Variants in GFOD1 observed in about 807,000 individuals in gnomAD.
GFOD1 encodes Gfo/Idh/MocA-like oxidoreductase domain containing 1.
Under a neutral mutation model 25.4 loss-of-function variants are expected in GFOD1, and 9 were observed. The observed-to-expected ratio is 0.35, with a 90% CI of 0.21 to 0.62. The LOEUF is 0.62. GFOD1 is among the 20% of genes least tolerant of loss of function. The pLI is 0.72. For synonymous variants in GFOD1, 253 were observed against 245.6 expected, an observed-to-expected ratio of 1.03 and a Z score of -0.28; for missense variants, 403 against 556.9, an observed-to-expected ratio of 0.72 and a Z score of 2.78.
intron 1 of GFOD1, among the ~76,000 whole-genome samples, chr6:13,462,941 G>A (rs1326029341): frequency 6.6e-6 from 1 of 152,178 alleles, no homozygotes; most frequent in Non-Finnish European, 1.5e-5. Context: ...CTCCTGTTCA[G>A]GTTGCAAATG....
chr6:13,364,563 C>G lies in GFOD1; in HGVS notation c.*180G>C. The G allele has an allele frequency of 1.7e-6, 1 of 601,732 alleles. No homozygotes were observed. The highest frequency in any genetic ancestry group is 2.1e-5 in the South Asian group (1 of 48,724). 37.3% of individuals were successfully genotyped at this position (601,732 alleles called of 1,614,324 possible). The stretch of plus-strand genomic sequence containing the variant: ...CCAGGCTAGGAGCTCAGCCCACCAA[C>G]AGTCTGGTTTGGGGTCGGTCACCGG... On this transcript the variant is annotated 3_prime_UTR_variant, in exon 2 of 2. Transcript: ENST00000379287. The surrounding 1 kb of genome is among the most constrained non-coding windows in gnomAD (Gnocchi z 4.1).
At chr6:13,409,088 G>GGAAAGAAAGAAAGAAAGAAAGAAAGAAA (rs879779509) in intron 1 of GFOD1, among the ~76,000 whole-genome samples, 31 of 36,716 alleles carry the variant, frequency 8.4e-4, no homozygotes, top group South Asian at 4.7e-3. Context: ...CCATCAGAAA[G>GGAAAGAAAGAAAGAAAGAAAGAAAGAAA]GAAAGAAAGA....
rs534221718 is a variant in GFOD1 at position 13,455,854 on chromosome 6, G to A, written c.253+30784C>T. Among the ~76,000 whole-genome samples, 4 of 152,308 alleles carry A rather than the reference G, an allele frequency of 2.6e-5. No homozygotes were observed. The East Asian group carries it at 7.7e-4, about 29-fold the overall frequency. ...CCCGGAGCATCCTCAACTCCCAGTCGGTCACAGTTTAACACTGGCCTCGTC... is the reference window on the plus strand; with the variant it reads ...CCCGGAGCATCCTCAACTCCCAGTCAGTCACAGTTTAACACTGGCCTCGTC... On this transcript the variant is annotated intron_variant, in intron 1 of 1. Transcript: ENST00000379287.
chr6:13,364,330 G>A lies in GFOD1; in HGVS notation c.*413C>T, dbSNP rs1244561511. 5.4e-6 allele frequency: 1 copy of A among 184,536 alleles called. No individual in the cohort carries two copies. 11.4% of individuals were successfully genotyped at this position (184,536 alleles called of 1,614,324 possible). The stretch of plus-strand genomic sequence containing the variant: ...GCCAGCAGTGGGTATCCCGGGCACT[G>A]AGCTTGCCATCTGATACTAGTGCCT... On this transcript the variant is annotated 3_prime_UTR_variant, in exon 2 of 2. Transcript: ENST00000379287. This position sits in a 1 kb window ranked among gnomAD's most constrained non-coding sequence, Gnocchi z 4.1.
At chr6:13,395,379 A>C (rs500197) in intron 1 of GFOD1, among the ~76,000 whole-genome samples, 1 of 152,112 alleles carries the variant, frequency 6.6e-6, no homozygotes, top group Non-Finnish European at 1.5e-5. Flanking sequence ...TAAAGAGCCT[A>C]TAAACCACCC....
chr6:13,431,188 T>C (rs1757742856), intron 1 of GFOD1, among the ~76,000 whole-genome samples: 1 of 152,214 alleles, frequency 6.6e-6, no homozygotes, highest in Non-Finnish European at 1.5e-5. Flanking sequence ...GGGACTATGA[T>C]GATAGCACCT....
Position 13,443,644 on chromosome 6 carries a change from C to T in GFOD1, c.253+42994G>A, listed in dbSNP as rs372636395. ...CAGCCTGGCCAACATGGTGAAACCC[C>T]GTCTCAACTAAAAATACAAAAATTA... On this transcript the variant is annotated intron_variant, in intron 1 of 1. Transcript: ENST00000379287. Among the ~76,000 whole-genome samples, 23 of 151,844 alleles carry T rather than the reference C, an allele frequency of 1.5e-4. No homozygotes were observed. In the East Asian group the frequency reaches 2.3e-3, roughly 15 times the overall value.
At chr6:13,384,724 G>A (rs1785430987) in intron 1 of GFOD1, among the ~76,000 whole-genome samples, 1 of 152,200 alleles carries the variant, frequency 6.6e-6, no homozygotes, top group Non-Finnish European at 1.5e-5. Flanking sequence ...AGGCAGAGAT[G>A]CGCACAGTGC....
rs775622309 is a variant in GFOD1 at position 13,364,837 on chromosome 6, T to A, written c.1079A>T (p.Gln360Leu). 19 of 1,613,960 alleles carry A rather than the reference T, an allele frequency of 1.2e-5. No individual in the cohort carries two copies. Among genetic ancestry groups the A allele is most frequent in the Non-Finnish European group, 1.6e-5 (19 of 1,180,046 alleles). ...CTCCTCGGTCATGATGGCAATGTTC[T>A]GCCACTCGCCCGTCTGGCTGGACCT... ...IKRSSQTGEWQNIAIMTEEPE... is the reference protein window; with the variant it reads ...IKRSSQTGEWLNIAIMTEEPE... The change falls in exon 2 of 2, where the codon CAG becomes CTG. Residue 360 changes from glutamine (Q) to leucine (L), a missense_variant. Physicochemically the swap from Gln to Leu is moderately radical, Grantham distance 113. Coordinates refer to ENST00000379287, the MANE Select transcript of GFOD1 (RefSeq NM_018988.4). The surrounding 1 kb of genome is among the most constrained non-coding windows in gnomAD (Gnocchi z 4.1).
chr6:13,470,426 T>C (rs1203888640), intron 1 of GFOD1: 2 of 1,549,908 alleles, frequency 1.3e-6, no homozygotes, highest in African/African-American at 2.7e-5. Context: ...TGAACGGCTG[T>C]GCATATTAAG....
chr6:13,479,754 T>A (rs543607188), intron 1 of GFOD1, among the ~76,000 whole-genome samples: 1 of 152,382 alleles, frequency 6.6e-6, no homozygotes, highest in African/African-American at 2.4e-5. Context: ...GAAATGAGAT[T>A]GGTGATGCTT....
rs2127580983 is a variant in GFOD1 at position 13,487,116 on chromosome 6, C to A, written c.-226G>T. ...GGTGACTGCGGCAGTGTCCGCCACG[C>A]GGGGCTCGCGTCCTTCCCGGAGTCG... On this transcript the variant is annotated 5_prime_UTR_variant, in exon 1 of 2. Transcript: ENST00000379287. The surrounding 1 kb of genome is among the most constrained non-coding windows in gnomAD (Gnocchi z 4.9). The A allele has an allele frequency of 4.0e-6, 2 of 494,302 alleles. No individual in the cohort carries two copies. The highest frequency in any genetic ancestry group is 3.5e-5 in the East Asian group (1 of 28,826). 30.6% of individuals were successfully genotyped at this position (494,302 alleles called of 1,614,324 possible).
intron 1 of GFOD1, among the ~76,000 whole-genome samples, chr6:13,461,932 A>C (rs1348607094): frequency 6.6e-6 from 1 of 152,206 alleles, no homozygotes; most frequent in East Asian, 1.9e-4. Context: ...GCCCTGGGGC[A>C]GAGCAGGCCA....
chr6:13,431,396 C>G (rs77617691), intron 1 of GFOD1, among the ~76,000 whole-genome samples: 1 of 152,226 alleles, frequency 6.6e-6, no homozygotes, highest in Non-Finnish European at 1.5e-5. Context: ...CTCTACCACT[C>G]ATATTCTCTC....
In GFOD1 at chr6:13,363,371, A is replaced by G. The variant is rs1452037932; in HGVS notation, c.*1372T>C. On this transcript the variant is annotated 3_prime_UTR_variant, in exon 2 of 2. Coordinates refer to ENST00000379287, the MANE Select transcript of GFOD1 (RefSeq NM_018988.4). ...CAGACAGCAGACCAATTAGAAGAAC[A>G]TGTTTTTTCCAACATTAGCCTTTTC... The G allele has an allele frequency of 6.6e-6, 1 of 152,068 alleles. No homozygotes were observed. Among genetic ancestry groups the G allele is most frequent in the South Asian group, 2.1e-4 (1 of 4,830 alleles). 9.4% of individuals were successfully genotyped at this position (152,068 alleles called of 1,614,324 possible).
intron 1 of GFOD1, among the ~76,000 whole-genome samples, chr6:13,407,060 C>T (rs562579131): frequency 6.6e-6 from 1 of 152,282 alleles, no homozygotes; most frequent in Admixed American, 6.5e-5. Context: ...TTCCATGGTG[C>T]ACCCTCCATT....
chr6:13,454,225 G>T (rs544502354), intron 1 of GFOD1, among the ~76,000 whole-genome samples: 15 of 152,202 alleles, frequency 9.9e-5, no homozygotes, highest in African/African-American at 2.2e-4. Flanking sequence ...CCCTCAGAAG[G>T]AACCAGCCCT....
At chr6:13,381,314 G>A (rs1472426903) in intron 1 of GFOD1, among the ~76,000 whole-genome samples, 1 of 152,228 alleles carries the variant, frequency 6.6e-6, no homozygotes, top group African/African-American at 2.4e-5. Context: ...GAAGCCCACA[G>A]CCTGCTTGGT....
chr6:13,441,562 C>T (rs1167833036), intron 1 of GFOD1, among the ~76,000 whole-genome samples: 1 of 152,160 alleles, frequency 6.6e-6, no homozygotes, highest in Non-Finnish European at 1.5e-5. Flanking sequence ...ATAAATGTTA[C>T]GAATAGTAAG....
Sources: allele counts gnomAD v4.1 joint callset (sites outside exome capture counted in the v4.1 genomes callset), GRCh38; gene constraint gnomAD v4.1.1; non-coding constraint Gnocchi (gnomAD v3.1); transcripts MANE v1.5; gene names NCBI Gene and HGNC (gene_info 2026-07-23, HGNC 2026-07-21).